Variants in ANKFN1 observed in about 807,000 individuals in gnomAD.
ANKFN1 encodes the protein ankyrin repeat and fibronectin type III domain containing 1.
Under a neutral mutation model 108.7 loss-of-function variants are expected in ANKFN1, and 74 were observed. The ratio of observed to expected loss-of-function variants is 0.68; its 90% CI spans 0.56 to 0.83. The LOEUF is 0.83. ANKFN1 is among the 40% of genes least tolerant of loss of function. The pLI is 0.00. For missense variants in ANKFN1, 1,505 were observed against 1,382.3 expected (o/e 1.09, Z -1.41); for synonymous variants, 547 against 516.2 (o/e 1.06, Z -0.81).
chr17:56,409,070 G>A lies in ANKFN1; in HGVS notation c.911-31257G>A, dbSNP rs189307960. Among the ~76,000 whole-genome samples, 558 of 147,044 alleles carry A rather than the reference G, an allele frequency of 3.8e-3. 4 individuals are homozygous for A. Among genetic ancestry groups the A allele is most frequent in the Non-Finnish European group, 5.2e-3 (349 of 66,584 alleles). On this transcript the variant is annotated intron_variant, in intron 8 of 20. Coordinates refer to ENST00000682825, the MANE Select transcript of ANKFN1 (RefSeq NM_001370326.1). Reference sequence around the variant, plus strand: ...CTCCTAAGTAGCTGAGATTAAAGGCGCCTGCCACCATGCCCAGCTAATTTT... The same window carrying A: ...CTCCTAAGTAGCTGAGATTAAAGGCACCTGCCACCATGCCCAGCTAATTTT...
chr17:56,430,866 G>A (rs1450134016), intron 8 of ANKFN1, among the ~76,000 whole-genome samples: 1 of 152,138 alleles, frequency 6.6e-6, no homozygotes, highest in Non-Finnish European at 1.5e-5. Context: ...TGCTCTGAGA[G>A]GATATACCAG....
chr17:56,319,476 G>A (rs2045302797), intron 3 of ANKFN1, among the ~76,000 whole-genome samples: 1 of 152,148 alleles, frequency 6.6e-6, no homozygotes, highest in Non-Finnish European at 1.5e-5. Flanking sequence ...CAGAGGAACG[G>A]CCAAAATGAG....
rs1205497342 is a variant in ANKFN1, at chr17:56,511,479, A to G, written c.*210A>G. On this transcript the variant is annotated 3_prime_UTR_variant, in exon 21 of 21. Coordinates refer to ENST00000682825, the MANE Select transcript of ANKFN1 (RefSeq NM_001370326.1). ...CAGTGCCATTCCCACTTCAGCCTAG[A>G]AAGGGCATGGGGGAGTTGTGTCAAC... is the stretch of plus-strand genomic sequence containing the variant. 1.7e-6 allele frequency: 1 copy of G among 585,888 alleles called. No individual in the cohort carries two copies. The highest frequency in any genetic ancestry group is 3.3e-5 in the Admixed American group (1 of 30,758). The allele number at this position is 585,888 out of a possible 1,614,324, so 36.3% of individuals were successfully genotyped here.
chr17:56,294,312 A>G (rs1437805236), intron 3 of ANKFN1, among the ~76,000 whole-genome samples: 1 of 152,200 alleles, frequency 6.6e-6, no homozygotes, highest in African/African-American at 2.4e-5. Context: ...TGATAGATCC[A>G]CAGCACTATG....
chr17:56,290,611 T>C (rs144723126), intron 3 of ANKFN1, among the ~76,000 whole-genome samples: 50 of 152,254 alleles, frequency 3.3e-4, no homozygotes, highest in African/African-American at 1.0e-3. Context: ...ACATGCAAAC[T>C]AAATATTTTA....
chr17:56,092,432 G>A (rs1170991918), intron 4 of ANKFN1, among the ~76,000 whole-genome samples: 6 of 150,188 alleles, frequency 4.0e-5, no homozygotes, highest in East Asian at 1.9e-4. Context: ...CCCCCACCAC[G>A]CCCAGCTAAT....
intron 3 of ANKFN1, among the ~76,000 whole-genome samples, chr17:56,243,179 T>C (rs1917714593): frequency 6.6e-6 from 1 of 152,134 alleles, no homozygotes; most frequent in Non-Finnish European, 1.5e-5. Context: ...AATTTCTTTG[T>C]GCTTTGGGAA....
intron 3 of ANKFN1, among the ~76,000 whole-genome samples, chr17:56,246,030 A>G (rs1366068341): frequency 6.6e-6 from 1 of 152,144 alleles, no homozygotes; most frequent in Admixed American, 6.6e-5. Context: ...ATAGACACAT[A>G]TATATAATTT....
At chr17:56,061,676 AATCT>A (rs1286697640) in intron 4 of ANKFN1, among the ~76,000 whole-genome samples, 2 of 151,964 alleles carry the variant, frequency 1.3e-5, no homozygotes, top group Non-Finnish European at 2.9e-5. Flanking sequence ...TCTAGCTAGC[AATCT>A]ATCTATTTTG....
chr17:56,286,904 C>G (rs571213506), intron 3 of ANKFN1, among the ~76,000 whole-genome samples: 1 of 152,042 alleles, frequency 6.6e-6, no homozygotes, highest in Non-Finnish European at 1.5e-5. Flanking sequence ...AATCAGCCAC[C>G]CCTTCCAAGA....
intron 3 of ANKFN1, among the ~76,000 whole-genome samples, chr17:56,315,007 G>A (rs2877746): frequency 0.65 from 99,030 of 152,066 alleles, 33,908 homozygotes; most frequent in East Asian, 0.95. Flanking sequence ...CAATGCTGCC[G>A]AGCTCGAAAT....
At chr17:56,142,860 C>T (rs1908008790) in intron 4 of ANKFN1, among the ~76,000 whole-genome samples, 1 of 152,160 alleles carries the variant, frequency 6.6e-6, no homozygotes, top group South Asian at 2.1e-4. Flanking sequence ...ACTTCTCCTC[C>T]ACCCTACTCA....
intron 3 of ANKFN1, chr17:56,323,467 G>A (rs770786260): frequency 2.0e-5 from 3 of 152,602 alleles, no homozygotes; most frequent in African/African-American, 4.8e-5. Context: ...CTGCAGAGAC[G>A]AGACGAACTC....
chr17:56,497,548 T>C (rs2051238052), intron 19 of ANKFN1, among the ~76,000 whole-genome samples: 1 of 152,166 alleles, frequency 6.6e-6, no homozygotes, highest in South Asian at 2.1e-4. Context: ...ATATTCTTAA[T>C]GAGTAGGTTT....
chr17:56,232,594 CAGT>C (rs1916821051), intron 3 of ANKFN1, among the ~76,000 whole-genome samples: 1 of 152,100 alleles, frequency 6.6e-6, no homozygotes, highest in Non-Finnish European at 1.5e-5. Context: ...AATCCTTTGT[CAGT>C]TTGATCTGCC....
intron 3 of ANKFN1, among the ~76,000 whole-genome samples, chr17:56,294,027 C>T (rs1400150935): frequency 3.3e-5 from 5 of 152,216 alleles, no homozygotes; most frequent in Non-Finnish European, 7.3e-5. Flanking sequence ...ATTCAGTCAT[C>T]TTTGTTAAAT....
At position 56,046,186 on chromosome 17, in the gene ANKFN1, C is replaced by G. The variant is rs1187112106; in HGVS notation, c.149C>G (p.Ala50Gly). The stretch of plus-strand genomic sequence containing the variant: ...TTCATCTGGGGAATCTCAGACAAAG[C>G]AGCCCAGAGGAAAACCATCTCTGTC... Residue 50 changes from alanine to glycine, a missense_variant, in exon 4 of 13, where the codon GCA becomes GGA. Coordinates refer to the ANKFN1 transcript ENST00000635860. The G allele has an allele frequency of 7.8e-5, 12 of 153,160 alleles. No homozygotes were observed. The Admixed American group carries it at 7.8e-4, about 10-fold the overall frequency. 9.5% of individuals were successfully genotyped at this position (153,160 alleles called of 1,614,324 possible).
chr17:56,454,207 T>C (rs1301755567), intron 11 of ANKFN1, among the ~76,000 whole-genome samples: 1 of 152,200 alleles, frequency 6.6e-6, no homozygotes, highest in Non-Finnish European at 1.5e-5. Flanking sequence ...TGCCTTACTT[T>C]CTTGGAGATT....
At chr17:56,420,749 C>G (rs2048379869) in intron 8 of ANKFN1, among the ~76,000 whole-genome samples, 1 of 149,880 alleles carries the variant, frequency 6.7e-6, no homozygotes, top group Admixed American at 6.6e-5. Context: ...ACTCTGTCGC[C>G]CAGGCTGGAA....
Sources: allele counts gnomAD v4.1 joint callset (sites outside exome capture counted in the v4.1 genomes callset), GRCh38; gene constraint gnomAD v4.1.1; transcripts MANE v1.5; gene names NCBI Gene and HGNC (gene_info 2026-07-23, HGNC 2026-07-21).